N4BP2L2: variants seen among roughly 807,000 people sequenced by gnomAD.
N4BP2L2 encodes NEDD4-binding protein 2-like 2.
N4BP2L2 carries 50 observed loss-of-function variants against 56.2 expected under a neutral mutation model. The ratio of observed to expected loss-of-function variants is 0.89; its 90% CI spans 0.71 to 1.13. N4BP2L2 has a LOEUF of 1.13. Ranked by LOEUF, N4BP2L2 falls within the 50% of genes most tolerant of loss-of-function variation. The pLI is 0.00. For missense variants in N4BP2L2, 689 were observed against 693.8 expected (o/e 0.99, Z 0.08); for synonymous variants, 203 against 223.6 (o/e 0.91, Z 0.82).
At chr13:32,507,120 T>C (rs1378479930), downstream of N4BP2L2, 1 of 152,066 alleles carries the variant, frequency 6.6e-6, no homozygotes, top group Non-Finnish European at 1.5e-5. Context: ...ATTTGATGGA[T>C]TGAATATGAG....
At chr13:32,444,101 G>T in exon 7 of N4BP2L2, 2 of 1,532,126 alleles carry the variant, frequency 1.3e-6, no homozygotes, top group Non-Finnish European at 1.8e-6. Flanking sequence ...CTGAGCCTAT[G>T]CCCAGTTTTC....
Position 32,537,110 on chromosome 13 carries a change from CAA to C in N4BP2L2, c.1-85_1-84del, listed in dbSNP as rs1265260405. ...TTTTCTTCAAAAACAAGAAATTAGA[CAA>C]AGACATTTAAATTTGTGATATATTT... On this transcript the variant is annotated intron_variant, in intron 1 of 5. Transcript: ENST00000267068. 24 of 970,428 alleles carry C rather than the reference CAA, an allele frequency of 2.5e-5. No individual in the cohort carries two copies. The East Asian group carries it at 5.9e-4, about 24-fold the overall frequency. The allele number at this position is 970,428 out of a possible 1,614,324, so 60.1% of individuals were successfully genotyped here.
At chr13:32,455,737 A>G (rs1231273474) in intron 6 of N4BP2L2, among the ~76,000 whole-genome samples, 1 of 151,968 alleles carries the variant, frequency 6.6e-6, no homozygotes, top group Admixed American at 6.6e-5. Flanking sequence ...CAAGCCCACT[A>G]CCCTGGGGCC....
exon 5 of N4BP2L2, chr13:32,521,428 C>T (rs766121500): frequency 1.2e-6 from 2 of 1,612,672 alleles, no homozygotes; most frequent in East Asian, 2.2e-5. Context: ...TGAAACTCTA[C>T]TCTGTATCCT....
At position 32,536,402 on chromosome 13, in the gene N4BP2L2, C is replaced by A. The variant is rs144941975; in HGVS notation, c.626G>T (p.Gly209Val). ...AGGTTTTAAGAGACCATTATTATGA[C>A]CCTCATAAAATGGAACAAATTGTTC... Residue 209 changes from glycine to valine, a missense_variant, in exon 2 of 6, where the codon GGT becomes GTT. Physicochemically the swap from Gly to Val is moderately radical, Grantham distance 109 (BLOSUM62 -3). Coordinates refer to ENST00000267068, the Ensembl canonical transcript of N4BP2L2. 738 of 1,613,984 alleles carry A rather than the reference C, an allele frequency of 4.6e-4. 4 individuals are homozygous for A. The African/African-American group carries it at 8.8e-3, about 19-fold the overall frequency.
intron 6 of N4BP2L2, chr13:32,505,007 G>A (rs951509817): frequency 6.6e-6 from 1 of 152,278 alleles, no homozygotes; most frequent in East Asian, 1.9e-4. Flanking sequence ...CCACCTAACA[G>A]GGGTGGCAGC....
At chr13:32,510,744 C>T (rs1285115229) in exon 6 of N4BP2L2, 1 of 152,126 alleles carries the variant, frequency 6.6e-6, no homozygotes, top group Non-Finnish European at 1.5e-5. Flanking sequence ...GGTGATCTAC[C>T]CACCCGGCCT....
chr13:32,537,264 A>T (rs750141241), intron 1 of N4BP2L2, among the ~76,000 whole-genome samples: 2 of 151,646 alleles, frequency 1.3e-5, no homozygotes, highest in Non-Finnish European at 2.9e-5. Flanking sequence ...ATATATATGT[A>T]TATATACATA....
In N4BP2L2 at chr13:32,529,756, G is replaced by A. The variant is rs751881463; in HGVS notation, c.1260-2224C>T. ...CTTTTTTTTTTTTAGACAAGAGTCC[G>A]ACTCTATTGCCCAGGCTGGAGTGCA... On this transcript the variant is annotated intron_variant, in intron 2 of 5. Transcript: ENST00000267068. Among the ~76,000 whole-genome samples, 22 of 148,012 alleles carry A rather than the reference G, an allele frequency of 1.5e-4. 1 individual carries two copies. Among genetic ancestry groups the A allele is most frequent in the Non-Finnish European group, 2.5e-4 (17 of 67,386 alleles).
intron 3 of N4BP2L2, chr13:32,525,145 C>T (rs1302375990): frequency 2.0e-5 from 3 of 152,184 alleles, no homozygotes. Flanking sequence ...TCTGCCCTGT[C>T]TATTCATTCA....
intron 6 of N4BP2L2, among the ~76,000 whole-genome samples, chr13:32,493,461 T>C (rs1168669338): frequency 6.6e-6 from 1 of 152,210 alleles, no homozygotes; most frequent in Non-Finnish European, 1.5e-5. Context: ...TTTCTTAGGC[T>C]TAATCATTTG....
At chr13:32,465,405 C>T (rs981064451) in intron 6 of N4BP2L2, among the ~76,000 whole-genome samples, 2 of 152,080 alleles carry the variant, frequency 1.3e-5, no homozygotes, top group Non-Finnish European at 2.9e-5. Flanking sequence ...TAGGTAACCC[C>T]AATATGATTT....
chr13:32,517,961 C>T, exon 6 of N4BP2L2: 4 of 1,613,908 alleles, frequency 2.5e-6, no homozygotes, highest in Non-Finnish European at 3.4e-6. Context: ...AACGATCCAA[C>T]ATCTGAGCAA....
exon 6 of N4BP2L2, chr13:32,515,792 A>G (rs1282031439): frequency 6.6e-6 from 1 of 151,982 alleles, no homozygotes; most frequent in East Asian, 1.9e-4. Flanking sequence ...GCTGGAGTGC[A>G]AGTGGCGCAA....
chr13:32,450,695 A>T (rs2077829122), intron 6 of N4BP2L2, among the ~76,000 whole-genome samples: 2 of 148,534 alleles, frequency 1.3e-5, no homozygotes, highest in African/African-American at 5.2e-5. Context: ...CAGTGATGTG[A>T]TCACAGCTCA....
chr13:32,535,430 C>G (rs1594122040), intron 2 of N4BP2L2, among the ~76,000 whole-genome samples: 1 of 152,194 alleles, frequency 6.6e-6, no homozygotes, highest in Non-Finnish European at 1.5e-5. Flanking sequence ...TATGCCAATT[C>G]TCCTTTCTTC....
intron 7 of N4BP2L2, among the ~76,000 whole-genome samples, chr13:32,441,858 A>G (rs1374242020): frequency 6.7e-6 from 1 of 149,792 alleles, no homozygotes; most frequent in African/African-American, 2.4e-5. Flanking sequence ...CCTGGCTAAC[A>G]TGGTGAAACC....
intron 3 of N4BP2L2, chr13:32,523,794 C>T (rs2051796404): frequency 6.6e-6 from 1 of 152,002 alleles, no homozygotes; most frequent in African/African-American, 2.4e-5. Context: ...AATGACTCAA[C>T]TCTGGAGACT....
chr13:32,525,566 G>C (rs2052483801), intron 3 of N4BP2L2: 1 of 152,310 alleles, frequency 6.6e-6, no homozygotes. Context: ...TTACTCAGGA[G>C]GCTGAGGCAG....
Sources: allele counts gnomAD v4.1 joint callset (sites outside exome capture counted in the v4.1 genomes callset), GRCh38; gene constraint gnomAD v4.1.1; transcripts MANE v1.5; gene names NCBI Gene and HGNC (gene_info 2026-07-23, HGNC 2026-07-21).